C9orf72: variants seen among roughly 807,000 people sequenced by gnomAD.
C9orf72 encodes C9orf72-SMCR8 complex subunit.
C9orf72 carries 44 observed loss-of-function variants against 51.6 expected under a neutral mutation model. The observed-to-expected ratio is 0.85, with a 90% confidence interval of 0.67 to 1.10. The LOEUF (loss-of-function observed/expected upper bound fraction) is 1.10. Ranked by LOEUF, C9orf72 falls within the 50% of genes least tolerant of loss-of-function variation. The pLI, the probability that C9orf72 is intolerant of heterozygous loss-of-function variation, is 0.00. For missense variants in C9orf72, 607 were observed against 570.6 expected (o/e 1.06, Z -0.65); for synonymous variants, 213 against 194.2 (o/e 1.10, Z -0.81).
At chr9:27,550,442 A>C (rs1025794105) in intron 9 of C9orf72, among the ~76,000 whole-genome samples, 4 of 152,168 alleles carry the variant, frequency 2.6e-5, no homozygotes, top group African/African-American at 9.7e-5. Flanking sequence ...AATCTAGGAC[A>C]AGAGGCAACC....
rs1198373549 is a variant in C9orf72, at chr9:27,548,570, T to A, written c.1246A>T (p.Ile416Leu). The A allele has an allele frequency of 6.3e-7, 1 of 1,589,154 alleles. No homozygotes were observed. The highest frequency in any genetic ancestry group is 1.7e-5 in the Admixed American group (1 of 59,928). The stretch of plus-strand genomic sequence containing the variant: ...AGTTTTACTCACGTATCGTCTTCTA[T>A]ATATTTTATTAGTGTCAAGGCTTTT... ...HRKALTLIKY[I>L]EDDTQKGKKP... is the part of the protein sequence containing the mutation. The change falls in exon 10 of 11, where the codon ATA (isoleucine) becomes TTA (leucine). Residue 416 changes from isoleucine (I) to leucine (L), a missense_variant. Ile to Leu is a conservative substitution (Grantham distance 5). Coordinates refer to ENST00000380003, the MANE Select transcript of C9orf72 (RefSeq NM_018325.5).
chr9:27,563,872 C>A (rs966152193), intron 3 of C9orf72, among the ~76,000 whole-genome samples: 2 of 152,170 alleles, frequency 1.3e-5, no homozygotes, highest in Non-Finnish European at 2.9e-5. Flanking sequence ...AGAATAATGA[C>A]TAGATCCGTG....
chr9:27,555,577 T>A (rs956697456), intron 8 of C9orf72, among the ~76,000 whole-genome samples: 22 of 117,110 alleles, frequency 1.9e-4, no homozygotes, highest in South Asian at 2.9e-4. Flanking sequence ...TTTTTTTTTT[T>A]AAATAAGACA....
chr9:27,548,636 T>G lies in C9orf72; in HGVS notation c.1180A>C (p.Arg394=). ...AGAAACTGTGCAAGGAAAGTACTTC[T>G]GAGAGATAAGCCAGGTTTCAGCTGA... The part of the protein sequence containing the change: ...VFQLKPGLSL[R]STFLAQFLLV... Residue 394 remains arginine, a synonymous_variant, in exon 10 of 11, where the codon AGA becomes CGA. Coordinates refer to ENST00000380003, the MANE Select transcript of C9orf72 (RefSeq NM_018325.5). 1.2e-6 allele frequency: 2 copies of G among 1,612,236 alleles called. No homozygotes were observed. Among genetic ancestry groups the G allele is most frequent in the Non-Finnish European group, 1.7e-6 (2 of 1,178,368 alleles).
At position 27,548,434 on chromosome 9, in the gene C9orf72, G is replaced by GTAAAAAAA; in HGVS notation, c.1260-13_1260-12insTTTTTTTA. On this transcript the variant is annotated splice_polypyrimidine_tract_variant and intron_variant, in intron 10 of 10. Transcript: ENST00000380003. Reference sequence around the variant, plus strand: ...TTTTTCCCTTCTGCCTAAAAATAATGGAAAAAAAAAAAAAAAAAAAAAAAA... The same window carrying GTAAAAAAA: ...TTTTTCCCTTCTGCCTAAAAATAATGTAAAAAAAGAAAAAAAAAAAAAAAAAAAAAAAA... The GTAAAAAAA allele has an allele frequency of 1.2e-5, 1 of 80,732 alleles. No homozygotes were observed. The highest frequency in any genetic ancestry group is 1.9e-5 in the Non-Finnish European group (1 of 52,384). 5.0% of individuals were successfully genotyped at this position (80,732 alleles called of 1,614,324 possible).
intron 3 of C9orf72, among the ~76,000 whole-genome samples, chr9:27,563,986 C>T (rs529468370): frequency 3.9e-5 from 6 of 152,058 alleles, no homozygotes; most frequent in East Asian, 1.9e-4. Context: ...AAAATAAAGT[C>T]GTTGTGAGAT....
Position 27,556,790 on chromosome 9 carries a change from T to G in C9orf72, c.862A>C (p.Thr288Pro). 6.2e-7 allele frequency: 1 copy of G among 1,606,700 alleles called. No homozygotes were observed. The highest frequency in any genetic ancestry group is 8.5e-7 in the Non-Finnish European group (1 of 1,173,442). Residue 288 changes from threonine (T) to proline (P), a missense_variant, in exon 8 of 11, where the codon ACT (threonine) becomes CCT (proline). Thr to Pro is a conservative substitution (Grantham distance 38). Coordinates refer to ENST00000380003, the MANE Select transcript of C9orf72 (RefSeq NM_018325.5). Reference protein sequence around the residue: ...LFVQGLLKDSTGSFVLPFRQV... With the variant: ...LFVQGLLKDSPGSFVLPFRQV... Reference sequence around the variant, plus strand: ...CGGAAAGGCAGCACAAAGCTTCCAGTTGAATCCTGTCAAAATAAAAGGAAA... The same window carrying G: ...CGGAAAGGCAGCACAAAGCTTCCAGGTGAATCCTGTCAAAATAAAAGGAAA...
chr9:27,555,874 A>T (rs1418340730), intron 8 of C9orf72, among the ~76,000 whole-genome samples: 3 of 152,098 alleles, frequency 2.0e-5, no homozygotes, highest in Non-Finnish European at 4.4e-5. Context: ...CAACTGATAA[A>T]AGAGAAACAC....
In C9orf72 at chr9:27,569,168, TG is replaced by T. The variant is rs573994733; in HGVS notation, c.-44-2005del. Among the ~76,000 whole-genome samples, 365 of 152,210 alleles carry T rather than the reference TG, an allele frequency of 2.4e-3. 1 individual carries two copies. The highest frequency in any genetic ancestry group is 8.3e-3 in the African/African-American group (346 of 41,526). ...AAAATATTTTTGTATAGCTATACAA[TG>T]TATTTGTGTTTCAAGCTAAGTATTT... On this transcript the variant is annotated intron_variant, in intron 1 of 10. Coordinates refer to ENST00000380003, the MANE Select transcript of C9orf72 (RefSeq NM_018325.5).
intron 7 of C9orf72, among the ~76,000 whole-genome samples, chr9:27,557,673 T>A (rs1819237937): frequency 6.6e-6 from 1 of 152,088 alleles, no homozygotes; most frequent in Admixed American, 6.6e-5. Flanking sequence ...AGTTCTAATT[T>A]ACAGATATGT....
At chr9:27,573,069 G>A (rs566602066) in intron 1 of C9orf72, among the ~76,000 whole-genome samples, 2 of 152,208 alleles carry the variant, frequency 1.3e-5, no homozygotes, top group East Asian at 3.9e-4. Context: ...CTTCCCCCAG[G>A]CGAGGCCTCT....
chr9:27,556,625 T>C lies in C9orf72; in HGVS notation c.1027A>G (p.Thr343Ala). ...TCCTGAGCCATGTCTTCTTCTGAAG[T>C]GGCTCTCCAGAAGGCTGTCAGCTCG... ...RSELTAFWRA[T>A]SEEDMAQDTI... Residue 343 changes from threonine (T) to alanine (A), a missense_variant, in exon 8 of 11, where the codon ACT becomes GCT. Thr to Ala is a moderately conservative substitution (Grantham distance 58). Transcript: ENST00000380003. 2.5e-6 allele frequency: 4 copies of C among 1,614,002 alleles called. No homozygotes were observed. Among genetic ancestry groups the C allele is most frequent in the Non-Finnish European group, 2.5e-6 (3 of 1,179,908 alleles).
At position 27,548,421 on chromosome 9, in the gene C9orf72, G is replaced by A; in HGVS notation, c.1261C>T (p.Gln421Ter). Residue 421 changes from glutamine (Q) to a stop codon, truncating the protein, a stop_gained and splice_region_variant, in exon 11 of 11, where the codon CAG (glutamine) becomes TAG (stop). Coordinates refer to ENST00000380003, the MANE Select transcript of C9orf72 (RefSeq NM_018325.5). LOFTEE classifies it high-confidence loss of function. Reference sequence around the variant, plus strand: ...GATTTAAAGGGCTTTTTTCCCTTCTGCCTAAAAATAATGGAAAAAAAAAAA... The same window carrying A: ...GATTTAAAGGGCTTTTTTCCCTTCTACCTAAAAATAATGGAAAAAAAAAAA... The part of the protein sequence containing the change: ...TLIKYIEDDT[Q>*]KGKKPFKSLR... 2 of 485,318 alleles carry A rather than the reference G, an allele frequency of 4.1e-6. No individual in the cohort carries two copies. Among genetic ancestry groups the A allele is most frequent in the Non-Finnish European group, 6.4e-6 (2 of 313,872 alleles). The allele number at this position is 485,318 out of a possible 1,614,324, so 30.1% of individuals were successfully genotyped here. A position where few individuals can be genotyped will look rare whatever the true frequency, so the allele number is the denominator to read the frequency against.
In C9orf72 at chr9:27,558,482, A is replaced by C. The variant is rs1201578980; in HGVS notation, c.855+9T>G. 1 of 1,446,606 alleles carries C rather than the reference A, an allele frequency of 6.9e-7. No homozygotes were observed. The highest frequency in any genetic ancestry group is 2.3e-5 in the East Asian group (1 of 44,072). 89.6% of individuals were successfully genotyped at this position (1,446,606 alleles called of 1,614,324 possible). ...AAGTGGTTTCACTTGTGATAACTAG[A>C]AACTATACCTTTAGCAGGCCTTGTA... On this transcript the variant is annotated intron_variant, in intron 7 of 10. Coordinates refer to ENST00000380003, the MANE Select transcript of C9orf72 (RefSeq NM_018325.5).
At chr9:27,564,514 G>A (rs1036197473) in intron 3 of C9orf72, among the ~76,000 whole-genome samples, 2 of 152,102 alleles carry the variant, frequency 1.3e-5, no homozygotes, top group African/African-American at 4.8e-5. Context: ...AGCAAATAAG[G>A]ACTGGGATTC....
intron 3 of C9orf72, among the ~76,000 whole-genome samples, chr9:27,564,156 C>CAAA (rs11438223): frequency 0.012 from 1,021 of 86,646 alleles, 14 homozygotes; most frequent in African/African-American, 0.042. Context: ...TCAACAACAC[C>CAAA]AAAAAAAAAA....
At position 27,547,405 on chromosome 9, in the gene C9orf72, C is replaced by T. The variant is rs1820790505; in HGVS notation, c.*831G>A. 1 of 152,526 alleles carries T rather than the reference C, an allele frequency of 6.6e-6. No individual in the cohort carries two copies. Among genetic ancestry groups the T allele is most frequent in the South Asian group, 2.1e-4 (1 of 4,824 alleles). 9.4% of individuals were successfully genotyped at this position (152,526 alleles called of 1,614,324 possible). The stretch of plus-strand genomic sequence containing the variant: ...CTGACCAGTGAAATCTGAACTTGTT[C>T]CAAGTAATTAGATTTTCTAAGGAGA... On this transcript the variant is annotated 3_prime_UTR_variant, in exon 11 of 11. Transcript: ENST00000380003.
At chr9:27,562,625 A>G (rs1447377752) in intron 3 of C9orf72, 149 bp from the exon 4 acceptor site, 2 of 427,486 alleles carry the variant, frequency 4.7e-6, no homozygotes, top group Non-Finnish European at 8.3e-6. Context: ...AGTCTACTAC[A>G]TGTCTAAAGG....
chr9:27,558,374 G>A (rs1199339514), intron 7 of C9orf72, 117 bp downstream of exon 7: 1 of 699,442 alleles, frequency 1.4e-6, no homozygotes, highest in Non-Finnish European at 2.5e-6. Context: ...AAGGAAGTCA[G>A]TCTCTGGGCA....
Sources: gnomAD v4.1 joint callset for allele counts (sites outside exome capture counted in the v4.1 genomes callset) on GRCh38, gnomAD v4.1.1 for gene constraint, MANE v1.5 for transcripts, NCBI Gene and HGNC (gene_info 2026-07-23, HGNC 2026-07-21) for gene names.